EPHA6: variants seen among roughly 807,000 people sequenced by gnomAD.
EPHA6 encodes EPH receptor A6.
Under a neutral mutation model 112.0 loss-of-function variants are expected in EPHA6, and 50 were observed. The observed-to-expected ratio is 0.45, with a 90% CI of 0.36 to 0.56. The LOEUF (loss-of-function observed/expected upper bound fraction) is 0.56, where lower values mean the gene tolerates loss of function less well. Among genes scored for constraint, EPHA6 ranks in the 20% least tolerant of loss-of-function variants. The pLI is 0.00. For missense variants in EPHA6, 1,280 were observed against 1,417.4 expected, an observed-to-expected ratio of 0.90 and a Z score of 1.56; for synonymous variants, 529 against 490.7, an observed-to-expected ratio of 1.08 and a Z score of -1.03.
intron 11 of EPHA6, among the ~76,000 whole-genome samples, chr3:97,573,432 A>C (rs2107238304): frequency 6.6e-6 from 1 of 152,280 alleles, no homozygotes; most frequent in Non-Finnish European, 1.5e-5. Flanking sequence ...ATTTTTACAA[A>C]ATTAAAGAGT....
chr3:97,738,980 C>T (rs2035388021), intron 16 of EPHA6, among the ~76,000 whole-genome samples: 1 of 152,072 alleles, frequency 6.6e-6, no homozygotes, highest in Non-Finnish European at 1.5e-5. Flanking sequence ...CAATACCACC[C>T]ACCCACTCTG....
chr3:97,057,558 G>A (rs935479899), intron 3 of EPHA6, among the ~76,000 whole-genome samples: 3 of 152,098 alleles, frequency 2.0e-5, no homozygotes, highest in South Asian at 2.1e-4. Flanking sequence ...AGCAAATCAC[G>A]TGACCAAGGC....
Position 97,753,397 on chromosome 3 carries a change from T to G in EPHA6, c.*4696T>G, listed in dbSNP as rs185741559. On this transcript the variant is annotated 3_prime_UTR_variant, in exon 18 of 18. Transcript: ENST00000389672. ...ATTGGATTTGCAATTCTAATTCAAA[T>G]GGAAAGAAATATTTTGGACCTCAAA... Among the ~76,000 whole-genome samples the G allele has an allele frequency of 1.4e-4, 22 of 152,286 alleles. 1 individual carries two copies. Among genetic ancestry groups the G allele is most frequent in the Admixed American group, 1.3e-3 (20 of 15,294 alleles).
intron 3 of EPHA6, among the ~76,000 whole-genome samples, chr3:97,079,846 G>C (rs1408300402): frequency 2.0e-5 from 3 of 151,340 alleles, no homozygotes; most frequent in Non-Finnish European, 4.4e-5. Flanking sequence ...GTTGAGGCAA[G>C]GCTCTCCACC....
intron 3 of EPHA6, among the ~76,000 whole-genome samples, chr3:97,114,377 C>G (rs2047818799): frequency 6.6e-6 from 1 of 152,046 alleles, no homozygotes; most frequent in Non-Finnish European, 1.5e-5. Flanking sequence ...GCTAAATTTA[C>G]TGTATCATTA....
intron 2 of EPHA6, among the ~76,000 whole-genome samples, chr3:96,903,436 A>G (rs997907143): frequency 1.3e-5 from 2 of 152,178 alleles, no homozygotes; most frequent in Non-Finnish European, 2.9e-5. Flanking sequence ...TAATTTTTAT[A>G]TTAACAAACA....
intron 14 of EPHA6, among the ~76,000 whole-genome samples, chr3:97,677,076 C>A (rs760777166): frequency 3.3e-5 from 5 of 152,078 alleles, no homozygotes; most frequent in African/African-American, 4.8e-5. Flanking sequence ...AAAATTGATA[C>A]TCATTCTTCA....
intron 3 of EPHA6, among the ~76,000 whole-genome samples, chr3:97,195,603 A>T (rs2077419215): frequency 6.6e-6 from 1 of 151,822 alleles, no homozygotes; most frequent in Non-Finnish European, 1.5e-5. Flanking sequence ...CCTTCAGATG[A>T]TTGTTGCTTG....
At chr3:97,331,691 C>A (rs942501148) in intron 5 of EPHA6, among the ~76,000 whole-genome samples, 7 of 152,046 alleles carry the variant, frequency 4.6e-5, no homozygotes, top group African/African-American at 1.4e-4. Flanking sequence ...TGAGACTAAA[C>A]CAGGAAGAAA....
chr3:96,943,066 G>A (rs187174352), intron 2 of EPHA6, among the ~76,000 whole-genome samples: 4,264 of 152,164 alleles, frequency 0.028, 199 homozygotes, highest in African/African-American at 0.095. Flanking sequence ...AACTCTTTTA[G>A]ATGCCACATA....
At chr3:97,025,614 C>T (rs1207815601) in intron 3 of EPHA6, among the ~76,000 whole-genome samples, 1 of 152,040 alleles carries the variant, frequency 6.6e-6, no homozygotes, top group Non-Finnish European at 1.5e-5. Flanking sequence ...TTTTTAAAAA[C>T]AGTCTCACTC....
intron 5 of EPHA6, among the ~76,000 whole-genome samples, chr3:97,323,705 T>C (rs2082230483): frequency 6.6e-6 from 1 of 151,916 alleles, no homozygotes; most frequent in South Asian, 2.1e-4. Context: ...AAAACGTAAA[T>C]GGTCTCTATT....
At chr3:97,396,618 A>G in intron 5 of EPHA6, among the ~76,000 whole-genome samples, 1 of 151,666 alleles carries the variant, frequency 6.6e-6, no homozygotes, top group African/African-American at 2.4e-5. Context: ...AAAAAATGTA[A>G]TTTTTCAATT....
chr3:97,564,455 A>C (rs2093234405), intron 11 of EPHA6, among the ~76,000 whole-genome samples: 1 of 152,176 alleles, frequency 6.6e-6, no homozygotes, highest in Admixed American at 6.5e-5. Flanking sequence ...TATTGTAAAC[A>C]TTACACTTAT....
intron 3 of EPHA6, among the ~76,000 whole-genome samples, chr3:97,162,249 G>T (rs1322930426): frequency 6.6e-6 from 1 of 152,152 alleles, no homozygotes; most frequent in Non-Finnish European, 1.5e-5. Context: ...TGGGAATGTA[G>T]TATTGCTTCT....
chr3:97,270,130 AT>A (rs1484162857), intron 5 of EPHA6, among the ~76,000 whole-genome samples: 1 of 152,244 alleles, frequency 6.6e-6, no homozygotes, highest in African/African-American at 2.4e-5. Context: ...AAAGCTAAAA[AT>A]AATGATCACA....
chr3:97,628,582 G>A (rs1180753043), intron 13 of EPHA6, among the ~76,000 whole-genome samples: 1 of 151,858 alleles, frequency 6.6e-6, no homozygotes, highest in Non-Finnish European at 1.5e-5. Context: ...TATACTTCAG[G>A]AATATGACTA....
intron 14 of EPHA6, among the ~76,000 whole-genome samples, chr3:97,646,673 C>T (rs974160727): frequency 1.3e-5 from 2 of 152,160 alleles, no homozygotes; most frequent in Non-Finnish European, 2.9e-5. Flanking sequence ...AACAGGAGTC[C>T]ATATGTACTT....
rs1036331312 is a variant in EPHA6, at chr3:97,575,665, A to G, written c.2387-16947A>G. On this transcript the variant is annotated intron_variant, in intron 11 of 17. Transcript: ENST00000389672. ...TTATAGTGTGATATAAATCATAAGT[A>G]TTATTTTTAAATCTGTGGGGAGCCT... Among the ~76,000 whole-genome samples, 4 of 152,220 alleles carry G rather than the reference A, an allele frequency of 2.6e-5. No individual in the cohort carries two copies. The East Asian group carries it at 7.7e-4, about 29-fold the overall frequency.
Sources: gnomAD v4.1 joint callset for allele counts (sites outside exome capture counted in the v4.1 genomes callset) on GRCh38, gnomAD v4.1.1 for gene constraint, MANE v1.5 for transcripts, NCBI Gene and HGNC (gene_info 2026-07-23, HGNC 2026-07-21) for gene names.